The following TNIK variants were observed in gnomAD, a reference collection of about 807,000 sequenced individuals.
The protein encoded by TNIK is TRAF2 and NCK-interacting protein kinase.
A neutral mutation model predicts 191.3 loss-of-function variants in TNIK; 49 were observed. That is an observed-to-expected ratio of 0.26 (90% CI 0.20 to 0.32). The LOEUF (loss-of-function observed/expected upper bound fraction) is 0.32. TNIK is among the 10% of genes least tolerant of loss of function. The probability of loss-of-function intolerance (pLI) is 1.00; values close to 1 mark genes in which losing one functional copy is unlikely to be tolerated. For synonymous variants in TNIK, 594 were observed against 600.9 expected (o/e 0.99, Z 0.17); for missense variants, 1,155 against 1,702.3 (o/e 0.68, Z 5.66).
At chr3:171,082,877 A>G (rs1039843984) in intron 26 of TNIK, among the ~76,000 whole-genome samples, 3 of 152,194 alleles carry the variant, frequency 2.0e-5, no homozygotes, top group African/African-American at 4.8e-5. Context: ...TCCTTCTTGA[A>G]TCAAAATGTA....
chr3:171,101,380 A>AT (rs1393339746), intron 22 of TNIK, 69 bp downstream of exon 22: 25 of 1,501,732 alleles, frequency 1.7e-5, no homozygotes, highest in East Asian at 2.3e-5. Flanking sequence ...TTTAACTCAT[A>AT]TTTTTTTGTC....
chr3:171,294,720 T>TCAA (rs1752066100), intron 2 of TNIK, among the ~76,000 whole-genome samples: 1 of 151,794 alleles, frequency 6.6e-6, no homozygotes. Context: ...AAACTCCATC[T>TCAA]CAATAATAAT....
chr3:171,227,007 T>C (rs1743043218), intron 3 of TNIK, among the ~76,000 whole-genome samples: 1 of 152,164 alleles, frequency 6.6e-6, no homozygotes, highest in Admixed American at 6.5e-5. Context: ...TCTATGTCTA[T>C]TTATATTGAA....
intron 28 of TNIK, among the ~76,000 whole-genome samples, chr3:171,073,255 A>C (rs1011368499): frequency 2.0e-5 from 3 of 152,164 alleles, no homozygotes; most frequent in Non-Finnish European, 4.4e-5. Flanking sequence ...ACATACCTAC[A>C]ACCAACTGAT....
At chr3:171,113,950 C>T (rs944818477) in intron 18 of TNIK, among the ~76,000 whole-genome samples, 1 of 145,398 alleles carries the variant, frequency 6.9e-6, no homozygotes, top group East Asian at 2.0e-4. Flanking sequence ...CAGGAGACAT[C>T]TAAGCAGTGG....
intron 8 of TNIK, among the ~76,000 whole-genome samples, chr3:171,176,589 T>C (rs181286222): frequency 2.0e-5 from 3 of 152,272 alleles, no homozygotes; most frequent in Admixed American, 1.3e-4. Flanking sequence ...TGTAAAGTCA[T>C]AGGGGATTAC....
chr3:171,075,619 T>A (rs1384896636), intron 28 of TNIK, among the ~76,000 whole-genome samples: 1 of 152,150 alleles, frequency 6.6e-6, no homozygotes, highest in African/African-American at 2.4e-5. Context: ...AAAAAACAAA[T>A]ACTTCTTAAC....
chr3:171,236,857 C>T (rs545837892), intron 2 of TNIK, among the ~76,000 whole-genome samples: 2 of 152,246 alleles, frequency 1.3e-5, no homozygotes, highest in African/African-American at 4.8e-5. Flanking sequence ...AAGCTGGCCC[C>T]TATTGTCTGA....
At position 171,128,893 on chromosome 3, in the gene TNIK, A is replaced by C. The variant is rs1233135637; in HGVS notation, c.1609-15T>G. ...CGTTCTTCTACCTACAACCCAAAAA[A>C]AAAAAAAAAAAAAAGACAGCCTCAA... is the stretch of plus-strand genomic sequence containing the variant. On this transcript the variant is annotated splice_polypyrimidine_tract_variant and intron_variant, in intron 15 of 32. Coordinates refer to ENST00000436636, the MANE Select transcript of TNIK (RefSeq NM_015028.4). The C allele has an allele frequency of 7.0e-7, 1 of 1,438,408 alleles. No individual in the cohort carries two copies. The highest frequency in any genetic ancestry group is 1.4e-5 in the South Asian group (1 of 73,600). 89.1% of individuals were successfully genotyped at this position (1,438,408 alleles called of 1,614,324 possible).
At chr3:171,133,976 A>G (rs1374832278) in intron 15 of TNIK, among the ~76,000 whole-genome samples, 1 of 152,214 alleles carries the variant, frequency 6.6e-6, no homozygotes, top group East Asian at 1.9e-4. Flanking sequence ...AATCTCATGC[A>G]ATACTCATGT....
chr3:171,138,941 A>G (rs1730401984), intron 14 of TNIK, among the ~76,000 whole-genome samples: 1 of 152,226 alleles, frequency 6.6e-6, no homozygotes, highest in Non-Finnish European at 1.5e-5. Context: ...CCATCTGGAG[A>G]GCAGTGCTAT....
chr3:171,423,642 C>T (rs1213156451), intron 1 of TNIK, among the ~76,000 whole-genome samples: 2 of 152,096 alleles, frequency 1.3e-5, no homozygotes, highest in African/African-American at 4.8e-5. Flanking sequence ...GAGATACAGA[C>T]CAATGGAACA....
chr3:171,145,482 CCTCCCTATGAATG>C (rs1212785443), intron 12 of TNIK, among the ~76,000 whole-genome samples: 1 of 152,080 alleles, frequency 6.6e-6, no homozygotes, highest in Admixed American at 6.5e-5. Context: ...CAGTTTTGAT[CCTCCCTATGAATG>C]CTCCCCTCAC....
In TNIK at chr3:171,159,899, C is replaced by T. The variant is rs925071200; in HGVS notation, c.1016+1371G>A. Among the ~76,000 whole-genome samples the T allele has an allele frequency of 3.9e-5, 6 of 152,156 alleles. No individual in the cohort carries two copies. Among genetic ancestry groups the T allele is most frequent in the African/African-American group, 7.2e-5 (3 of 41,428 alleles). On this transcript the variant is annotated intron_variant, in intron 11 of 32. Transcript: ENST00000436636. This position sits in a 1 kb window ranked among gnomAD's most constrained non-coding sequence, Gnocchi z 4.1. ...ATGATATAATGACATGTTATAATTA[C>T]GGAAGTGTTAAGGTACGGCTGGGCT...
intron 15 of TNIK, among the ~76,000 whole-genome samples, chr3:171,131,870 CT>C (rs1282604746): frequency 2.0e-5 from 3 of 152,130 alleles, no homozygotes; most frequent in Non-Finnish European, 4.4e-5. Context: ...TAGGCAGGCC[CT>C]TTTCATTATT....
At chr3:171,234,223 CA>C (rs1052141735) in intron 2 of TNIK, among the ~76,000 whole-genome samples, 30 of 152,272 alleles carry the variant, frequency 2.0e-4, no homozygotes, top group African/African-American at 7.0e-4. Context: ...GAAAAGACTC[CA>C]AAGATCCTTA....
At chr3:171,169,997 T>A (rs758435357) in intron 9 of TNIK, among the ~76,000 whole-genome samples, 21 of 152,218 alleles carry the variant, frequency 1.4e-4, no homozygotes, top group Non-Finnish European at 1.0e-4. Flanking sequence ...GACCAAAGAA[T>A]CAATATGCTT....
At chr3:171,243,668 T>C (rs1328829810) in intron 2 of TNIK, among the ~76,000 whole-genome samples, 1 of 152,190 alleles carries the variant, frequency 6.6e-6, no homozygotes, top group African/African-American at 2.4e-5. Context: ...ATTATTTACA[T>C]TTCTCACACA....
intron 1 of TNIK, among the ~76,000 whole-genome samples, chr3:171,404,922 C>T (rs16856304): frequency 9.4e-4 from 143 of 152,206 alleles, no homozygotes; most frequent in African/African-American, 3.2e-3. Context: ...ATCTTTAACA[C>T]GATGATTATA....
Sources: allele counts gnomAD v4.1 joint callset (sites outside exome capture counted in the v4.1 genomes callset), GRCh38; gene constraint gnomAD v4.1.1; non-coding constraint Gnocchi (gnomAD v3.1); transcripts MANE v1.5; gene names NCBI Gene and HGNC (gene_info 2026-07-23, HGNC 2026-07-21).